Variants in SNTB1 observed in about 807,000 individuals in gnomAD.
SNTB1 encodes the protein beta-1-syntrophin.
SNTB1 carries 36 observed loss-of-function variants against 48.9 expected under a neutral mutation model. The ratio of observed to expected loss-of-function variants is 0.74; its 90% CI spans 0.56 to 0.97. The LOEUF (loss-of-function observed/expected upper bound fraction) is 0.97, where lower values mean the gene tolerates loss of function less well. Among genes scored for constraint, SNTB1 ranks in the 50% least tolerant of loss-of-function variants. SNTB1 has a pLI of 0.00. For synonymous variants in SNTB1, 299 were observed against 294.6 expected, an observed-to-expected ratio of 1.01 and a Z score of -0.15; for missense variants, 786 against 703.4, an observed-to-expected ratio of 1.12 and a Z score of -1.33.
At chr8:120,726,403 A>G (rs546461959) in intron 1 of SNTB1, among the ~76,000 whole-genome samples, 16 of 152,086 alleles carry the variant, frequency 1.1e-4, no homozygotes, top group Non-Finnish European at 1.9e-4. Context: ...TAGCAATGCT[A>G]TTTTCTTGAC....
At chr8:120,553,859 G>T (rs1260831071) in intron 4 of SNTB1, among the ~76,000 whole-genome samples, 1 of 152,096 alleles carries the variant, frequency 6.6e-6, no homozygotes, top group Non-Finnish European at 1.5e-5. Flanking sequence ...TTAGCCGGTT[G>T]TGGTGGCACG....
chr8:120,634,990 C>A (rs1045710011), intron 2 of SNTB1, among the ~76,000 whole-genome samples: 28 of 151,862 alleles, frequency 1.8e-4, no homozygotes, highest in African/African-American at 6.3e-4. Context: ...TAGCTGGGAC[C>A]ACAGGCACCC....
intron 4 of SNTB1, among the ~76,000 whole-genome samples, chr8:120,551,725 C>CAAAAA (rs764008790): frequency 2.6e-3 from 110 of 42,646 alleles, no homozygotes; most frequent in Admixed American, 3.3e-3. Flanking sequence ...GACTCCATCT[C>CAAAAA]AAAAAAAAAA....
chr8:120,799,307 A>T (rs1016919554), intron 1 of SNTB1, among the ~76,000 whole-genome samples: 2 of 152,048 alleles, frequency 1.3e-5, no homozygotes, highest in African/African-American at 4.8e-5. Context: ...AATAGATGAA[A>T]TTATCAGATA....
At chr8:120,620,562 G>A (rs1816777327) in intron 3 of SNTB1, among the ~76,000 whole-genome samples, 1 of 151,780 alleles carries the variant, frequency 6.6e-6, no homozygotes, top group Non-Finnish European at 1.5e-5. Context: ...TTTATTTCTA[G>A]GTTCTCCAAT....
At chr8:120,776,818 A>G (rs998534879) in intron 1 of SNTB1, 1 of 152,204 alleles carries the variant, frequency 6.6e-6, no homozygotes, top group South Asian at 2.1e-4. Context: ...TGGATGAATA[A>G]ACAATCTACA....
At chr8:120,649,792 C>T (rs1165693768) in intron 2 of SNTB1, among the ~76,000 whole-genome samples, 1 of 152,214 alleles carries the variant, frequency 6.6e-6, no homozygotes, top group Non-Finnish European at 1.5e-5. Flanking sequence ...AGTTGGATCT[C>T]AGACTGCTGT....
At chr8:120,578,506 GA>G (rs2130690868) in intron 3 of SNTB1, among the ~76,000 whole-genome samples, 1 of 152,316 alleles carries the variant, frequency 6.6e-6, no homozygotes, top group African/African-American at 2.4e-5. Flanking sequence ...CATGACTCCT[GA>G]AACAGATGTG....
At chr8:120,671,094 C>A (rs1038121903) in intron 2 of SNTB1, among the ~76,000 whole-genome samples, 3 of 152,218 alleles carry the variant, frequency 2.0e-5, no homozygotes, top group Non-Finnish European at 2.9e-5. Context: ...GCTGAAACTG[C>A]AGATTTCCAG....
chr8:120,726,990 C>T (rs937975938), intron 1 of SNTB1, among the ~76,000 whole-genome samples: 31 of 152,114 alleles, frequency 2.0e-4, no homozygotes, highest in Admixed American at 1.6e-3. Context: ...TTTCTTTTTG[C>T]ATTATGCTGC....
At chr8:120,563,400 TG>T (rs1199930219) in intron 4 of SNTB1, among the ~76,000 whole-genome samples, 2 of 152,010 alleles carry the variant, frequency 1.3e-5, no homozygotes, top group African/African-American at 4.8e-5. Flanking sequence ...AATTACAACT[TG>T]TTTGCAAACT....
At chr8:120,768,096 C>G (rs1819558134) in intron 1 of SNTB1, among the ~76,000 whole-genome samples, 1 of 152,168 alleles carries the variant, frequency 6.6e-6, no homozygotes, top group Non-Finnish European at 1.5e-5. Flanking sequence ...GTTCTAAGTG[C>G]ACTGCTGGAA....
intron 3 of SNTB1, among the ~76,000 whole-genome samples, chr8:120,612,832 G>A (rs1816647481): frequency 6.6e-6 from 1 of 152,196 alleles, no homozygotes; most frequent in Non-Finnish European, 1.5e-5. Flanking sequence ...TGCATGAAAT[G>A]TGCAAAGATC....
chr8:120,611,903 T>G (rs1429967509), intron 3 of SNTB1, among the ~76,000 whole-genome samples: 1 of 151,622 alleles, frequency 6.6e-6, no homozygotes, highest in Admixed American at 6.6e-5. Flanking sequence ...CTCTCAGTAT[T>G]ACTTATTTTT....
intron 5 of SNTB1, among the ~76,000 whole-genome samples, chr8:120,543,741 T>C (rs1815331334): frequency 6.6e-6 from 1 of 152,128 alleles, no homozygotes; most frequent in South Asian, 2.1e-4. Context: ...TGGCTGTTAA[T>C]CGAAGCTCTG....
At chr8:120,796,191 C>A (rs529376323) in intron 1 of SNTB1, among the ~76,000 whole-genome samples, 5 of 152,132 alleles carry the variant, frequency 3.3e-5, no homozygotes, top group Non-Finnish European at 7.4e-5. Context: ...GCCCGTTTCC[C>A]CTTCTCCTTC....
At chr8:120,637,200 C>A in intron 2 of SNTB1, 2 of 334,800 alleles carry the variant, frequency 6.0e-6, no homozygotes, top group South Asian at 7.3e-5. Context: ...ATGTCAAAGT[C>A]GAACATCCTC....
intron 1 of SNTB1, among the ~76,000 whole-genome samples, chr8:120,735,235 G>A (rs1308795660): frequency 6.6e-6 from 1 of 152,166 alleles, no homozygotes; most frequent in East Asian, 1.9e-4. Flanking sequence ...TAGGAGAGTG[G>A]CTTGGAGGAT....
chr8:120,771,962 C>T lies in SNTB1; in HGVS notation c.571+39311G>A, dbSNP rs548514543. Among the ~76,000 whole-genome samples, 28 of 152,206 alleles carry T rather than the reference C, an allele frequency of 1.8e-4. No homozygotes were observed. In the East Asian group the frequency reaches 4.6e-3, roughly 25 times the overall value. On this transcript the variant is annotated intron_variant, in intron 1 of 6. Transcript: ENST00000517992. ...TTGGCTCACAACCACCTCCACCTCC[C>T]GGGCTCAAGCGACCCTCCTGCCTCA...
Sources: allele counts gnomAD v4.1 joint callset (sites outside exome capture counted in the v4.1 genomes callset), GRCh38; gene constraint gnomAD v4.1.1; transcripts MANE v1.5; gene names NCBI Gene and HGNC (gene_info 2026-07-23, HGNC 2026-07-21).